Variants in ARVCF observed in about 807,000 individuals in gnomAD.
The protein encoded by ARVCF is ARVCF delta catenin family member, also known as splicing regulator ARVCF.
Under a neutral mutation model 90.9 loss-of-function variants are expected in ARVCF, and 66 were observed. That is an observed-to-expected ratio of 0.73 (90% confidence interval 0.60 to 0.89). The LOEUF is 0.89. Among genes scored for constraint, ARVCF ranks in the 40% least tolerant of loss-of-function variants. The pLI is 0.00. For synonymous variants in ARVCF, 653 were observed against 603.4 expected (o/e 1.08, Z -1.21); for missense variants, 1,469 against 1,382.3 (o/e 1.06, Z -1.00).
intron 9 of ARVCF, among the ~76,000 whole-genome samples, chr22:19,977,086 G>A (rs544836489): frequency 6.6e-6 from 1 of 152,202 alleles, no homozygotes; most frequent in Non-Finnish European, 1.5e-5. Flanking sequence ...TGTGAACAGT[G>A]AGCAGGCAGC....
intron 10 of ARVCF, 101 bp downstream of exon 10, chr22:19,976,605 G>T: frequency 6.9e-7 from 1 of 1,449,164 alleles, no homozygotes; most frequent in Non-Finnish European, 9.4e-7. Context: ...GAGTGATGAA[G>T]CCAGGGGTGG....
Position 19,970,357 on chromosome 22 carries a change from C to A in ARVCF, c.*399G>T. On this transcript the variant is annotated 3_prime_UTR_variant, in exon 20 of 20. Transcript: ENST00000263207. ...CCCCCTCCCTGCCTAGCTGCCTGCC[C>A]CTGGCGCCAGACCTGGCCCGCACCA... 1.0e-6 allele frequency: 1 copy of A among 1,001,578 alleles called. No individual in the cohort carries two copies. The highest frequency in any genetic ancestry group is 1.2e-6 in the Non-Finnish European group (1 of 839,288). The allele number at this position is 1,001,578 out of a possible 1,614,324, so 62.0% of individuals were successfully genotyped here. A position where few individuals can be genotyped will look rare whatever the true frequency, so the allele number is the denominator to read the frequency against.
chr22:20,003,184 T>C (rs1333796092), intron 2 of ARVCF, among the ~76,000 whole-genome samples: 1 of 152,092 alleles, frequency 6.6e-6, no homozygotes, highest in Non-Finnish European at 1.5e-5. Context: ...CATGAAGAAA[T>C]AGAAAACATT....
chr22:19,991,923 C>T (rs1944042274), intron 2 of ARVCF, among the ~76,000 whole-genome samples: 1 of 152,254 alleles, frequency 6.6e-6, no homozygotes, highest in Non-Finnish European at 1.5e-5. Context: ...CTGAGGCCAA[C>T]TCCGCTGGAT....
chr22:19,971,136 T>A, intron 19 of ARVCF, 80 bp downstream of exon 19: 1 of 1,547,190 alleles, frequency 6.5e-7, no homozygotes, highest in Non-Finnish European at 8.7e-7. Context: ...GAGCAGAGCG[T>A]GCAGGCAGCG....
chr22:19,971,982 G>A lies in ARVCF; in HGVS notation c.2696-11C>T. ...CCGTGGAGTATCCGTCTGTAGATGG[G>A]GTAAGGTGGGGCATGAGGGGCGCTC... On this transcript the variant is annotated splice_polypyrimidine_tract_variant and intron_variant, in intron 17 of 19. Transcript: ENST00000263207. 4 of 1,602,506 alleles carry A rather than the reference G, an allele frequency of 2.5e-6. No individual in the cohort carries two copies. In the South Asian group the frequency reaches 3.3e-5, roughly 13 times the overall value.
chr22:20,013,808 T>C (rs570276058), intron 1 of ARVCF, among the ~76,000 whole-genome samples: 1 of 152,340 alleles, frequency 6.6e-6, no homozygotes, highest in South Asian at 2.1e-4. Flanking sequence ...GGATCCCTGA[T>C]CCCAAGTCCC....
chr22:19,987,141 C>T lies in ARVCF; in HGVS notation c.210+3444G>A, dbSNP rs193191275. The T allele has an allele frequency of 2.7e-3, 1,274 of 479,650 alleles. 12 individuals are homozygous for T. Among genetic ancestry groups the T allele is most frequent in the African/African-American group, 0.023 (1,134 of 49,166 alleles). The allele number at this position is 479,650 out of a possible 1,614,324, so 29.7% of individuals were successfully genotyped here. ...TGGCCAGCAGCGGGGGAGGCGGTGG[C>T]TGGACCAGGCTCGGCTCCGGCGCCT... On this transcript the variant is annotated intron_variant, in intron 3 of 19. Coordinates refer to ENST00000263207, the MANE Select transcript of ARVCF (RefSeq NM_001670.3).
intron 2 of ARVCF, among the ~76,000 whole-genome samples, chr22:19,995,277 T>C (rs1234780757): frequency 6.6e-6 from 1 of 150,812 alleles, no homozygotes; most frequent in Non-Finnish European, 1.5e-5. Context: ...GGTAGAGGGA[T>C]AAAATGATGA....
intron 2 of ARVCF, among the ~76,000 whole-genome samples, chr22:20,002,959 T>A (rs2146454956): frequency 6.6e-6 from 1 of 151,510 alleles, no homozygotes. Flanking sequence ...TAGGTACAAA[T>A]CCAAGAACCA....
intron 2 of ARVCF, among the ~76,000 whole-genome samples, chr22:19,994,912 A>AT (rs1944185620): frequency 1.5e-5 from 1 of 65,212 alleles, no homozygotes; most frequent in African/African-American, 6.2e-5. Context: ...GTATGGATGG[A>AT]TGGGGGGGGA....
intron 3 of ARVCF, among the ~76,000 whole-genome samples, chr22:19,984,483 C>T (rs1018359300): frequency 2.2e-4 from 33 of 152,310 alleles, no homozygotes; most frequent in African/African-American, 7.7e-4. Flanking sequence ...GAGCTAAAAA[C>T]GAGGGATGAC....
Position 19,970,156 on chromosome 22 carries a change from C to G in ARVCF, c.*600G>C. 2.0e-6 allele frequency: 2 copies of G among 986,696 alleles called. No individual in the cohort carries two copies. Among genetic ancestry groups the G allele is most frequent in the Non-Finnish European group, 2.4e-6 (2 of 830,828 alleles). The allele number at this position is 986,696 out of a possible 1,614,324, so 61.1% of individuals were successfully genotyped here. A position where few individuals can be genotyped will look rare whatever the true frequency, so the allele number is the denominator to read the frequency against. On this transcript the variant is annotated 3_prime_UTR_variant, in exon 20 of 20. Coordinates refer to ENST00000263207, the MANE Select transcript of ARVCF (RefSeq NM_001670.3). ...GGCTCTCTACTGCACAGGGGCCTCA[C>G]GTGACTGCAGGGCTCTGGGGAGGTG...
Position 19,981,310 on chromosome 22 carries a change from C to A in ARVCF, c.797G>T (p.Arg266Leu). The A allele has an allele frequency of 6.3e-7, 1 of 1,597,454 alleles. No individual in the cohort carries two copies. The highest frequency in any genetic ancestry group is 8.5e-7 in the Non-Finnish European group (1 of 1,173,420). Residue 266 changes from arginine to leucine, a missense_variant, in exon 5 of 20, where the codon CGC becomes CTC. Coordinates refer to ENST00000263207, the MANE Select transcript of ARVCF (RefSeq NM_001670.3). ...AEPYGLEDDTRSLAADDEGGP... is the reference protein window; with the variant it reads ...AEPYGLEDDTLSLAADDEGGP... ...ACCCTCGTCATCAGCGGCCAGGCTG[C>A]GCGTGTCATCCTCCAAGCCATACGG...
In ARVCF at chr22:19,980,350, T is replaced by C. The variant is rs1943426226; in HGVS notation, c.897-108A>G. ...GGACTGCAAACTCACCCAGCAGCGC[T>C]GGGCTGAGAGCACCTGTATCTTGGC... On this transcript the variant is annotated intron_variant, in intron 5 of 19. Transcript: ENST00000263207. 8 of 1,407,808 alleles carry C rather than the reference T, an allele frequency of 5.7e-6. No individual in the cohort carries two copies. The South Asian group carries it at 1.3e-4, about 22-fold the overall frequency. 87.2% of individuals were successfully genotyped at this position (1,407,808 alleles called of 1,614,324 possible).
At chr22:20,013,701 G>C (rs549499113) in intron 1 of ARVCF, among the ~76,000 whole-genome samples, 1 of 152,226 alleles carries the variant, frequency 6.6e-6, no homozygotes, top group South Asian at 2.1e-4. Flanking sequence ...GGAGTGGGGG[G>C]AACTCTGTGG....
At chr22:19,996,667 T>C (rs1944264404) in intron 2 of ARVCF, among the ~76,000 whole-genome samples, 1 of 152,184 alleles carries the variant, frequency 6.6e-6, no homozygotes, top group Admixed American at 6.5e-5. Flanking sequence ...CCCCTGCCAG[T>C]CTACCACTCC....
rs1943398533 is a variant in ARVCF at position 19,980,022 on chromosome 22, G to C, written c.1117C>G (p.Pro373Ala). 3.1e-6 allele frequency: 5 copies of C among 1,590,986 alleles called. No individual in the cohort carries two copies. Among genetic ancestry groups the C allele is most frequent in the Non-Finnish European group, 3.4e-6 (4 of 1,168,618 alleles). Residue 373 changes from proline to alanine, a missense_variant, in exon 6 of 20, where the codon CCC becomes GCC. Physicochemically the swap from Pro to Ala is conservative, Grantham distance 27. Coordinates refer to ENST00000263207, the MANE Select transcript of ARVCF (RefSeq NM_001670.3). ...TAGGCGGCCGCATTGGCCTTCACGG[G>C]GTCCACGGGGTGCCGCAGCATGGCC... ...VLAMLRHPVD[P>A]VKANAAAYLQ...
intron 16 of ARVCF, among the ~76,000 whole-genome samples, 160 bp from the exon 17 acceptor site, chr22:19,972,571 C>T (rs184260036): frequency 2.0e-5 from 3 of 152,270 alleles, no homozygotes; most frequent in Admixed American, 1.3e-4. Context: ...GACAACAGCG[C>T]GGATGCTGTG....
Sources: gnomAD v4.1 joint callset for allele counts (sites outside exome capture counted in the v4.1 genomes callset) on GRCh38, gnomAD v4.1.1 for gene constraint, MANE v1.5 for transcripts, NCBI Gene and HGNC (gene_info 2026-07-23, HGNC 2026-07-21) for gene names.